MTFR1L: variants seen among roughly 807,000 people sequenced by gnomAD.
The protein encoded by MTFR1L is mitochondrial fission regulator 1-like.
Under a neutral mutation model 27.9 loss-of-function variants are expected in MTFR1L, and 10 were observed. That is an observed-to-expected ratio of 0.36 (90% CI 0.22 to 0.61). The LOEUF (loss-of-function observed/expected upper bound fraction) is 0.61, where lower values mean the gene tolerates loss of function less well. Ranked by LOEUF, MTFR1L falls within the 20% of genes least tolerant of loss-of-function variation. The pLI, the probability that MTFR1L is intolerant of heterozygous loss-of-function variation, is 0.73. For synonymous variants in MTFR1L, 151 were observed against 139.4 expected, an observed-to-expected ratio of 1.08 and a Z score of -0.58; for missense variants, 315 against 363.7, an observed-to-expected ratio of 0.87 and a Z score of 1.09.
In MTFR1L at chr1:25,829,651, T is replaced by TGAGCTTCCATCAGTCCCC; in HGVS notation, c.595_612dup (p.Glu199_Pro204dup). ...CCGAGGAGACAGAGGTGGAGGTCCCTGAGCTTCCATCAGTCCCCCTGCTTT... is the reference window on the plus strand; with the variant it reads ...CCGAGGAGACAGAGGTGGAGGTCCCTGAGCTTCCATCAGTCCCCGAGCTTCCATCAGTCCCCCTGCTTT... On this transcript the variant is annotated inframe_insertion, in exon 6 of 7. Coordinates refer to ENST00000374303, the MANE Select transcript of MTFR1L (RefSeq NM_001099625.2). 6.2e-7 allele frequency: 1 copy of TGAGCTTCCATCAGTCCCC among 1,614,212 alleles called. No individual in the cohort carries two copies. The highest frequency in any genetic ancestry group is 8.5e-7 in the Non-Finnish European group (1 of 1,180,000).
chr1:25,822,910 T>G, intron 1 of MTFR1L, 109 bp from the exon 2 acceptor site: 1 of 858,050 alleles, frequency 1.2e-6, no homozygotes, highest in Non-Finnish European at 1.9e-6. Context: ...TTTTCTCCCC[T>G]GTGAAGTCAT....
At chr1:25,820,439 G>A (rs764992345) in intron 1 of MTFR1L, 12 of 420,372 alleles carry the variant, frequency 2.9e-5, no homozygotes, top group African/African-American at 1.7e-4. Flanking sequence ...CGCGGGGGAG[G>A]GGCGACTCGC....
At position 25,826,849 on chromosome 1, in the gene MTFR1L, C is replaced by T; in HGVS notation, c.451+23C>T. The T allele has an allele frequency of 6.2e-7, 1 of 1,609,928 alleles. No individual in the cohort carries two copies. The highest frequency in any genetic ancestry group is 8.5e-7 in the Non-Finnish European group (1 of 1,178,156). On this transcript the variant is annotated intron_variant, in intron 5 of 6. Coordinates refer to ENST00000374303, the MANE Select transcript of MTFR1L (RefSeq NM_001099625.2). This position sits in a 1 kb window ranked among gnomAD's most constrained non-coding sequence, Gnocchi z 4.1. ...CAGGTAGGAGCCCCTGTGCCAGGGC[C>T]AGAACGTAACAGGCTGTTCCTTTCC...
At chr1:25,829,383 G>A in intron 5 of MTFR1L, 126 bp from the exon 6 acceptor site, 1 of 845,030 alleles carries the variant, frequency 1.2e-6, no homozygotes, top group African/African-American at 1.7e-5. Context: ...TACCATCCTG[G>A]CTCTCCCAGA....
intron 1 of MTFR1L, among the ~76,000 whole-genome samples, chr1:25,821,326 C>T (rs1184744001): frequency 6.6e-6 from 1 of 152,178 alleles, no homozygotes; most frequent in Non-Finnish European, 1.5e-5. Flanking sequence ...GTGGCCGACA[C>T]GGACATTCAG....
intron 1 of MTFR1L, chr1:25,820,321 C>T (rs766412964): frequency 3.0e-4 from 137 of 455,810 alleles, no homozygotes; most frequent in Middle Eastern, 2.0e-3. Flanking sequence ...TGAGACCTGG[C>T]CGCGGCTCGG....
Position 25,822,779 on chromosome 1 carries a change from G to A in MTFR1L, c.-86-240G>A, listed in dbSNP as rs1013071372. The A allele has an allele frequency of 2.9e-5, 17 of 587,266 alleles. No individual in the cohort carries two copies. The South Asian group carries it at 3.5e-4, about 12-fold the overall frequency. 36.4% of individuals were successfully genotyped at this position (587,266 alleles called of 1,614,324 possible). ...CTGACCTCGTGATCCGCCCACCTCG[G>A]CCTCCCAAAGTGCTGGGATTACAGA... On this transcript the variant is annotated intron_variant, in intron 1 of 6. Transcript: ENST00000374303.
At chr1:25,820,326 G>A (rs1024380461) in intron 1 of MTFR1L, 1 of 455,862 alleles carries the variant, frequency 2.2e-6, no homozygotes. Context: ...CCTGGCCGCG[G>A]CTCGGAGGCT....
At chr1:25,823,442 A>C in intron 2 of MTFR1L, 1 of 804,992 alleles carries the variant, frequency 1.2e-6, no homozygotes, top group East Asian at 2.7e-5. Flanking sequence ...AGCAGCAGGT[A>C]TTCCCTTGGG....
intron 1 of MTFR1L, chr1:25,820,401 C>T (rs1314517629): frequency 8.8e-6 from 4 of 452,098 alleles, no homozygotes; most frequent in Non-Finnish European, 1.8e-5. Context: ...AGCACTTGGC[C>T]GACCTTGGCC....
chr1:25,826,630 CCT>C lies in MTFR1L; in HGVS notation c.256_257del (p.Leu86GlufsTer44), dbSNP rs763330602. 9 of 1,614,190 alleles carry C rather than the reference CCT, an allele frequency of 5.6e-6. No individual in the cohort carries two copies. Among genetic ancestry groups the C allele is most frequent in the East Asian group, 4.5e-5 (2 of 44,880 alleles). On this transcript the variant is annotated frameshift_variant, in exon 5 of 7. Coordinates refer to ENST00000374303, the MANE Select transcript of MTFR1L (RefSeq NM_001099625.2). LOFTEE classifies it high-confidence loss of function. This position sits in a 1 kb window ranked among gnomAD's most constrained non-coding sequence, Gnocchi z 4.1. ...CCTGGTCCAGGAGTGATACGCGCCC[CCT>C]GAGGCACACCTGGAAACCCAGCCCT... ...YARVRSDTRP[L>X]RHTWKPSPLI...
intron 1 of MTFR1L, chr1:25,821,126 A>G: frequency 4.4e-6 from 1 of 226,412 alleles, no homozygotes; most frequent in South Asian, 4.7e-5. Flanking sequence ...ACGGCAGAGA[A>G]AGATGGGTTT....
rs974387838 is a variant in MTFR1L at position 25,832,819 on chromosome 1, T to C, written c.*793T>C. On this transcript the variant is annotated 3_prime_UTR_variant, in exon 7 of 7. Transcript: ENST00000374303. ...TGCTCCTTTGGGCTGGGCCAAGGTT[T>C]GTATGTACCACACCATGCATGACTC... 6.4e-6 allele frequency: 1 copy of C among 156,282 alleles called. No individual in the cohort carries two copies. Among genetic ancestry groups the C allele is most frequent in the Non-Finnish European group, 1.4e-5 (1 of 70,182 alleles). 9.7% of individuals were successfully genotyped at this position (156,282 alleles called of 1,614,324 possible). A position where few individuals can be genotyped will look rare whatever the true frequency, so the allele number is the denominator to read the frequency against.
In MTFR1L at chr1:25,829,807, C is replaced by G. The variant is rs770898526; in HGVS notation, c.750C>G (p.His250Gln). ...ADMMGILKDF[H>Q]RMKQSQDLNR... ...TGATGGGTATCCTGAAGGACTTTCA[C>G]CGAATGAAACAGAGTCAAGATCTGT... The change falls in exon 6 of 7, where the codon CAC becomes CAG. Residue 250 changes from histidine to glutamine, a missense_variant. Coordinates refer to ENST00000374303, the MANE Select transcript of MTFR1L (RefSeq NM_001099625.2). 1.2e-5 allele frequency: 20 copies of G among 1,603,082 alleles called. No individual in the cohort carries two copies. The highest frequency in any genetic ancestry group is 1.6e-5 in the Non-Finnish European group (19 of 1,178,674).
Position 25,829,671 on chromosome 1 carries a change from T to C in MTFR1L, c.614T>C (p.Leu205Pro). 1 of 1,614,214 alleles carries C rather than the reference T, an allele frequency of 6.2e-7. No homozygotes were observed. The highest frequency in any genetic ancestry group is 8.5e-7 in the Non-Finnish European group (1 of 1,180,040). ...VEVPELPSVP[L>P]LCSASPECCK... The stretch of plus-strand genomic sequence containing the variant: ...GTCCCTGAGCTTCCATCAGTCCCCC[T>C]GCTTTGTTCTGCCAGCCCTGAATGT... Residue 205 changes from leucine to proline, a missense_variant, in exon 6 of 7, where the codon CTG becomes CCG. By Grantham distance (98) the Leu-to-Pro change is moderately conservative (BLOSUM62 -3). Coordinates refer to ENST00000374303, the MANE Select transcript of MTFR1L (RefSeq NM_001099625.2).
chr1:25,823,196 A>G, intron 2 of MTFR1L, 68 bp downstream of exon 2: 1 of 1,480,458 alleles, frequency 6.8e-7, no homozygotes, highest in South Asian at 1.1e-5. Flanking sequence ...GAAGTACTGT[A>G]AAAGGTTCTG....
intron 5 of MTFR1L, among the ~76,000 whole-genome samples, chr1:25,827,892 A>G (rs1480601152): frequency 6.7e-6 from 1 of 150,314 alleles, no homozygotes; most frequent in Non-Finnish European, 1.5e-5. Flanking sequence ...TGCCCAGCTA[A>G]TTTTTTGTAT....
intron 3 of MTFR1L, among the ~76,000 whole-genome samples, 184 bp downstream of exon 3, chr1:25,823,932 C>T (rs1192872705): frequency 2.6e-5 from 4 of 152,200 alleles, no homozygotes; most frequent in African/African-American, 9.7e-5. Flanking sequence ...AAACCTGTGA[C>T]CACAAGGAAC....
At chr1:25,821,009 C>A in intron 1 of MTFR1L, 1 of 282,310 alleles carries the variant, frequency 3.5e-6, no homozygotes, top group South Asian at 2.9e-5. Flanking sequence ...CAGAGGTGGG[C>A]CCAGTGTTGG....
Sources: gnomAD v4.1 joint callset for allele counts (sites outside exome capture counted in the v4.1 genomes callset) on GRCh38, gnomAD v4.1.1 for gene constraint, Gnocchi (gnomAD v3.1) non-coding constraint, MANE v1.5 for transcripts, NCBI Gene and HGNC (gene_info 2026-07-23, HGNC 2026-07-21) for gene names.